MSRA: variants seen among roughly 807,000 people sequenced by gnomAD.
MSRA encodes mitochondrial peptide methionine sulfoxide reductase.
MSRA carries 54 observed loss-of-function variants against 31.3 expected under a neutral mutation model. The ratio of observed to expected loss-of-function variants is 1.73; its 90% confidence interval spans 1.39 to 2.17. The LOEUF is 2.17. Among genes scored for constraint, MSRA ranks in the 30% most tolerant of loss-of-function variants. MSRA has a pLI of 0.00. For missense variants in MSRA, 507 were observed against 300.9 expected (o/e 1.69, Z -5.07); for synonymous variants, 169 against 116.5 (o/e 1.45, Z -2.90).
chr8:10,245,448 C>G (rs527817023), intron 3 of MSRA, among the ~76,000 whole-genome samples: 28 of 152,326 alleles, frequency 1.8e-4, no homozygotes, highest in African/African-American at 6.3e-4. Context: ...AACAACCACT[C>G]TAAAACATGG....
chr8:10,097,297 T>C (rs1799223602), intron 1 of MSRA, among the ~76,000 whole-genome samples: 3 of 152,324 alleles, frequency 2.0e-5, no homozygotes, highest in Non-Finnish European at 4.4e-5. Flanking sequence ...AACATTTATG[T>C]GTGTTGCCAA....
At chr8:10,136,503 C>G (rs528298449) in intron 1 of MSRA, among the ~76,000 whole-genome samples, 1 of 152,160 alleles carries the variant, frequency 6.6e-6, no homozygotes, top group African/African-American at 2.4e-5. Context: ...AACCAGTAGC[C>G]GTATGGAATC....
intron 5 of MSRA, among the ~76,000 whole-genome samples, chr8:10,399,068 G>C (rs1270739290): frequency 6.6e-6 from 1 of 152,224 alleles, no homozygotes; most frequent in Non-Finnish European, 1.5e-5. Context: ...GACAGGAGCA[G>C]CTGCCTCAAC....
intron 1 of MSRA, among the ~76,000 whole-genome samples, chr8:10,063,528 C>T: frequency 6.6e-6 from 1 of 152,112 alleles, no homozygotes; most frequent in Admixed American, 6.5e-5. Flanking sequence ...GCCTATGTGC[C>T]CCTACTGAAT....
At chr8:10,351,004 A>ATT (rs1563381788) in intron 5 of MSRA, among the ~76,000 whole-genome samples, 1 of 152,180 alleles carries the variant, frequency 6.6e-6, no homozygotes, top group Non-Finnish European at 1.5e-5. Flanking sequence ...CTCCCCATGA[A>ATT]TTCTCTGCAG....
intron 2 of MSRA, among the ~76,000 whole-genome samples, chr8:10,235,827 G>A (rs374249830): frequency 6.6e-6 from 1 of 152,054 alleles, no homozygotes; most frequent in Non-Finnish European, 1.5e-5. Flanking sequence ...GTATAACCTT[G>A]ATACCAATTC....
At chr8:10,194,551 A>G in intron 1 of MSRA, among the ~76,000 whole-genome samples, 1 of 152,180 alleles carries the variant, frequency 6.6e-6, no homozygotes, top group Non-Finnish European at 1.5e-5. Flanking sequence ...CCTCATTTCC[A>G]CAGAGTGAGG....
chr8:10,391,215 C>T (rs1806724593), intron 5 of MSRA, among the ~76,000 whole-genome samples: 1 of 152,196 alleles, frequency 6.6e-6, no homozygotes, highest in African/African-American at 2.4e-5. Context: ...ATTGGTCACA[C>T]ACCCCAAGTG....
intron 1 of MSRA, among the ~76,000 whole-genome samples, chr8:10,138,457 A>G (rs940997882): frequency 1.3e-5 from 2 of 152,190 alleles, no homozygotes; most frequent in African/African-American, 4.8e-5. Flanking sequence ...CACACAGCCC[A>G]CCAGTTTTCA....
chr8:10,335,949 C>T (rs946364541), intron 5 of MSRA, among the ~76,000 whole-genome samples: 2 of 152,144 alleles, frequency 1.3e-5, no homozygotes, highest in African/African-American at 2.4e-5. Flanking sequence ...TGCACACTCC[C>T]GCTCCCTGAT....
chr8:10,095,988 T>A, intron 1 of MSRA: 2 of 1,437,878 alleles, frequency 1.4e-6, no homozygotes, highest in Middle Eastern at 5.0e-4. Context: ...TGTTCATCAA[T>A]ACAAACCTGC....
At chr8:10,078,606 G>C (rs1798118257) in intron 1 of MSRA, among the ~76,000 whole-genome samples, 1 of 152,250 alleles carries the variant, frequency 6.6e-6, no homozygotes, top group African/African-American at 2.4e-5. Flanking sequence ...AGGGCTGGCA[G>C]CTGCCACGGT....
chr8:10,113,048 C>G (rs1406544372), intron 1 of MSRA, among the ~76,000 whole-genome samples: 2 of 152,110 alleles, frequency 1.3e-5, no homozygotes, highest in Non-Finnish European at 2.9e-5. Context: ...GTCTGCAGCT[C>G]CATCACCTCA....
intron 1 of MSRA, among the ~76,000 whole-genome samples, chr8:10,202,167 C>T (rs1019926564): frequency 6.6e-6 from 1 of 152,216 alleles, no homozygotes; most frequent in African/African-American, 2.4e-5. Flanking sequence ...TTAGCCCACC[C>T]TTCCCCCATA....
intron 4 of MSRA, among the ~76,000 whole-genome samples, chr8:10,319,237 A>G (rs974734245): frequency 1.3e-5 from 2 of 152,130 alleles, no homozygotes; most frequent in Admixed American, 6.5e-5. Context: ...TCACCACAAC[A>G]TGGTGGCCTA....
At chr8:10,421,706 G>A (rs1182897786) in intron 5 of MSRA, among the ~76,000 whole-genome samples, 1 of 152,194 alleles carries the variant, frequency 6.6e-6, no homozygotes, top group Non-Finnish European at 1.5e-5. Flanking sequence ...TCCATAAGGA[G>A]TGACCCGGCT....
chr8:10,374,109 G>A (rs75520162), intron 5 of MSRA, among the ~76,000 whole-genome samples: 1 of 152,288 alleles, frequency 6.6e-6, no homozygotes, highest in African/African-American at 2.4e-5. Flanking sequence ...AAGTCAAGCC[G>A]CCTTATGTTC....
intron 5 of MSRA, among the ~76,000 whole-genome samples, chr8:10,335,935 A>G (rs1803011900): frequency 6.6e-6 from 1 of 152,158 alleles, no homozygotes; most frequent in Non-Finnish European, 1.5e-5. Context: ...GGGGGAGCCC[A>G]GGATGCACAC....
At chr8:10,086,676 T>TTCATTTA (rs1011953578) in intron 1 of MSRA, among the ~76,000 whole-genome samples, 5 of 152,210 alleles carry the variant, frequency 3.3e-5, no homozygotes, top group African/African-American at 1.2e-4. Context: ...GATTTCACTT[T>TTCATTTA]TCATTTATTT....
Sources: allele counts gnomAD v4.1 joint callset (sites outside exome capture counted in the v4.1 genomes callset), GRCh38; gene constraint gnomAD v4.1.1; transcripts MANE v1.5; gene names NCBI Gene and HGNC (gene_info 2026-07-23, HGNC 2026-07-21).